Variants in GNG4 observed in about 807,000 individuals in gnomAD.
GNG4 encodes G protein subunit gamma 4.
Under a neutral mutation model 5.8 loss-of-function variants are expected in GNG4, and 4 were observed. The ratio of observed to expected loss-of-function variants is 0.69; its 90% CI spans 0.34 to 1.57. The LOEUF is 1.57. GNG4 is among the 40% of genes most tolerant of loss of function. GNG4 has a pLI of 0.06. For synonymous variants in GNG4, 29 were observed against 32.9 expected (o/e 0.88, Z 0.41); for missense variants, 96 against 95.1 (o/e 1.01, Z -0.04).
At chr1:235,628,951 A>G (rs1266559231) in intron 1 of GNG4, among the ~76,000 whole-genome samples, 1 of 149,472 alleles carries the variant, frequency 6.7e-6, no homozygotes, top group Non-Finnish European at 1.5e-5. Flanking sequence ...CAAAACTGGC[A>G]CTTGTTCTCC....
chr1:235,562,478 C>A (rs1197633272), intron 3 of GNG4, among the ~76,000 whole-genome samples: 1 of 151,788 alleles, frequency 6.6e-6, no homozygotes, highest in African/African-American at 2.4e-5. Context: ...GAAACCCCAT[C>A]TCTACTAAAA....
rs57464216 is a variant in GNG4 at position 235,605,293 on chromosome 1, C to T, written c.-122-9782G>A. Among the ~76,000 whole-genome samples the T allele has an allele frequency of 7.7e-3, 1,173 of 151,666 alleles. 25 individuals are homozygous for T. The highest frequency in any genetic ancestry group is 0.026 in the African/African-American group (1,093 of 41,278). ...ACAACCTCCGCCTCCCAGGTTCAAG[C>T]GATTCTCTTGCCTTAGCCTCCCAAG... On this transcript the variant is annotated intron_variant, in intron 1 of 3. Coordinates refer to ENST00000391854, the MANE Select transcript of GNG4 (RefSeq NM_001098722.2).
intron 1 of GNG4, among the ~76,000 whole-genome samples, chr1:235,613,117 G>C (rs185937721): frequency 1.3e-5 from 2 of 148,238 alleles, no homozygotes; most frequent in Admixed American, 6.6e-5. Context: ...TTGGAGGGGT[G>C]GGGGGGTCAC....
chr1:235,601,318 T>G (rs1688254376), intron 1 of GNG4, among the ~76,000 whole-genome samples: 1 of 152,162 alleles, frequency 6.6e-6, no homozygotes, highest in African/African-American at 2.4e-5. Context: ...GGCACAGGTG[T>G]GAGGTCTCTG....
chr1:235,580,718 A>G (rs936500900), intron 3 of GNG4, among the ~76,000 whole-genome samples: 2 of 147,124 alleles, frequency 1.4e-5, no homozygotes, highest in Non-Finnish European at 3.0e-5. Context: ...TGGTCAGCAC[A>G]GCAACATGGC....
chr1:235,587,580 GCGGTGA>G (rs1299512943), intron 2 of GNG4, among the ~76,000 whole-genome samples: 2 of 51,660 alleles, frequency 3.9e-5, no homozygotes, highest in Non-Finnish European at 7.4e-5. Context: ...GTGTGGGGTG[GCGGTGA>G]GTGTGAGTGT....
At chr1:235,609,901 C>A (rs1336284793) in intron 1 of GNG4, among the ~76,000 whole-genome samples, 1 of 152,010 alleles carries the variant, frequency 6.6e-6, no homozygotes. Flanking sequence ...AAAAAAGTTT[C>A]TTGAACCACT....
intron 3 of GNG4, among the ~76,000 whole-genome samples, chr1:235,559,454 G>T (rs1687002210): frequency 6.6e-6 from 1 of 151,944 alleles, no homozygotes; most frequent in African/African-American, 2.4e-5. Context: ...ACATTGGGAA[G>T]TATTTGAGAC....
intron 3 of GNG4, among the ~76,000 whole-genome samples, chr1:235,558,248 T>C (rs137939865): frequency 8.8e-4 from 134 of 152,300 alleles, no homozygotes; most frequent in African/African-American, 2.9e-3. Context: ...AATGTAACAC[T>C]GTGAAGAATG....
At chr1:235,650,122 C>T (rs1391300275), upstream of GNG4, 47 of 150,194 alleles carry the variant, frequency 3.1e-4, no homozygotes, top group African/African-American at 1.1e-3. Context: ...CCAGCCCGGG[C>T]CCGCGCCCCC....
At chr1:235,596,848 G>A (rs1207231590) in intron 1 of GNG4, among the ~76,000 whole-genome samples, 2 of 151,826 alleles carry the variant, frequency 1.3e-5, no homozygotes, top group African/African-American at 2.4e-5. Context: ...TGAGCCTCCT[G>A]TGTAGCTGGG....
At position 235,551,073 on chromosome 1, in the gene GNG4, G is replaced by A. The variant is rs931309987; in HGVS notation, c.*1036C>T. 1 of 152,676 alleles carries A rather than the reference G, an allele frequency of 6.5e-6. No individual in the cohort carries two copies. Among genetic ancestry groups the A allele is most frequent in the Middle Eastern group, 3.4e-3 (1 of 296 alleles). The allele number at this position is 152,676 out of a possible 1,614,324, so 9.5% of individuals were successfully genotyped here. A position where few individuals can be genotyped will look rare whatever the true frequency, so the allele number is the denominator to read the frequency against. ...GAGGGAGCAGGAAGAGGTGGCATTTGGAGAGGGGAGACCGCACCCACAGGT... is the reference window on the plus strand; with the variant it reads ...GAGGGAGCAGGAAGAGGTGGCATTTAGAGAGGGGAGACCGCACCCACAGGT... On this transcript the variant is annotated 3_prime_UTR_variant, in exon 4 of 4. Transcript: ENST00000391854.
intron 3 of GNG4, among the ~76,000 whole-genome samples, chr1:235,573,411 A>G (rs192323910): frequency 2.2e-4 from 33 of 152,092 alleles, no homozygotes; most frequent in Middle Eastern, 3.4e-3. Context: ...CAAATATGGC[A>G]CACGTATACA....
intron 1 of GNG4, among the ~76,000 whole-genome samples, chr1:235,645,312 C>G (rs977560415): frequency 6.6e-6 from 1 of 152,200 alleles, no homozygotes; most frequent in Non-Finnish European, 1.5e-5. Flanking sequence ...CAGCCTCTTG[C>G]TCTTTTCTTC....
intron 1 of GNG4, among the ~76,000 whole-genome samples, chr1:235,614,499 C>G (rs1046468458): frequency 6.6e-6 from 1 of 151,928 alleles, no homozygotes; most frequent in African/African-American, 2.4e-5. Flanking sequence ...TTAGAGAGAC[C>G]TTCCTTTTTT....
chr1:235,574,308 T>C (rs1285556664), intron 3 of GNG4, among the ~76,000 whole-genome samples: 2 of 152,032 alleles, frequency 1.3e-5, no homozygotes, highest in Non-Finnish European at 2.9e-5. Flanking sequence ...GAGGCAGAGA[T>C]TGCAGTGAGC....
At chr1:235,602,190 TGAACCCAGGAGGC>T (rs988845887) in intron 1 of GNG4, among the ~76,000 whole-genome samples, 1 of 152,150 alleles carries the variant, frequency 6.6e-6, no homozygotes, top group African/African-American at 2.4e-5. Flanking sequence ...GAGAATCACT[TGAACCCAGGAGGC>T]GGAGGTTGCA....
intron 3 of GNG4, among the ~76,000 whole-genome samples, chr1:235,558,766 G>A (rs1477574646): frequency 1.3e-5 from 2 of 152,130 alleles, no homozygotes; most frequent in African/African-American, 2.4e-5. Flanking sequence ...GCCTGAATTC[G>A]GCTTTCCCTC....
At chr1:235,580,739 G>GTTTTGTTTTTTTTTTTTTTTTTT (rs1687609108) in intron 3 of GNG4, among the ~76,000 whole-genome samples, 1 of 98,048 alleles carries the variant, frequency 1.0e-5, no homozygotes, top group African/African-American at 4.5e-5. Flanking sequence ...GGCCTATCCC[G>GTTTTGTTTTTTTTTTTTTTTTTT]TTTTTTGTTT....
Sources: allele counts gnomAD v4.1 joint callset (sites outside exome capture counted in the v4.1 genomes callset), GRCh38; gene constraint gnomAD v4.1.1; transcripts MANE v1.5; gene names NCBI Gene and HGNC (gene_info 2026-07-23, HGNC 2026-07-21).